Variants in BRINP1 observed in about 807,000 individuals in gnomAD.
BRINP1 encodes the protein BMP/retinoic acid inducible neural specific 1.
A neutral mutation model predicts 72.9 loss-of-function variants in BRINP1; 17 were observed. The ratio of observed to expected loss-of-function variants is 0.23; its 90% CI spans 0.16 to 0.35. BRINP1 has a LOEUF of 0.35. BRINP1 is among the 10% of genes least tolerant of loss of function. The pLI is 1.00. For missense variants in BRINP1, 850 were observed against 1,001.6 expected (o/e 0.85, Z 2.04); for synonymous variants, 418 against 378.5 (o/e 1.10, Z -1.21).
chr9:119,167,506 G>A lies in BRINP1; in HGVS notation c.1864C>T (p.Arg622Trp), dbSNP rs916039027. 11 of 1,614,028 alleles carry A rather than the reference G, an allele frequency of 6.8e-6. No individual in the cohort carries two copies. Among genetic ancestry groups the A allele is most frequent in the African/African-American group, 4.0e-5 (3 of 74,922 alleles). The change falls in exon 8 of 8, where the codon CGG becomes TGG. Residue 622 changes from arginine to tryptophan, a missense_variant. Physicochemically the swap from Arg to Trp is moderately radical, Grantham distance 101. Coordinates refer to ENST00000265922, the MANE Select transcript of BRINP1 (RefSeq NM_014618.3). This position sits in a 1 kb window ranked among gnomAD's most constrained non-coding sequence, Gnocchi z 4.3. Reference protein sequence around the residue: ...FETVHIYLRSRTRLPTLLRNE... With the variant: ...FETVHIYLRSWTRLPTLLRNE... ...CGCAGTAGGGTAGGTAGCCGAGTCCGACTACGTAGGTAGATGTGGACCGTC... is the reference window on the plus strand; with the variant it reads ...CGCAGTAGGGTAGGTAGCCGAGTCCAACTACGTAGGTAGATGTGGACCGTC...
intron 1 of BRINP1, among the ~76,000 whole-genome samples, chr9:119,337,045 C>T (rs937348325): frequency 3.9e-5 from 6 of 152,058 alleles, no homozygotes; most frequent in Non-Finnish European, 8.8e-5. Flanking sequence ...AAGCAGATTT[C>T]GTCCTCTCTC....
At chr9:119,183,814 C>T (rs890991959) in intron 7 of BRINP1, among the ~76,000 whole-genome samples, 5 of 151,934 alleles carry the variant, frequency 3.3e-5, no homozygotes, top group Admixed American at 6.6e-5. Context: ...TTCATTGTAA[C>T]GATATGAAAA....
At chr9:119,335,745 T>C (rs1325462705) in intron 1 of BRINP1, among the ~76,000 whole-genome samples, 1 of 152,244 alleles carries the variant, frequency 6.6e-6, no homozygotes, top group African/African-American at 2.4e-5. Context: ...CCATGCAGTG[T>C]GCTCAGACTT....
Position 119,362,342 on chromosome 9 carries a change from T to C in BRINP1, c.-51+6714A>G, listed in dbSNP as rs150624373. ...AGACAGAAAAAGATACTGCCTGTGA[T>C]CTCTGAGACCTTATAGTTCACTGTC... On this transcript the variant is annotated intron_variant, in intron 1 of 7. Coordinates refer to ENST00000265922, the MANE Select transcript of BRINP1 (RefSeq NM_014618.3). Among the ~76,000 whole-genome samples the C allele has an allele frequency of 4.9e-3, 748 of 152,278 alleles. 5 individuals are homozygous for C. Among genetic ancestry groups the C allele is most frequent in the African/African-American group, 0.017 (705 of 41,556 alleles).
At chr9:119,168,322 G>C in intron 7 of BRINP1, 98 bp from the exon 8 acceptor site, 1 of 978,808 alleles carries the variant, frequency 1.0e-6, no homozygotes, top group Non-Finnish European at 1.4e-6. Context: ...CTGCCAAAAA[G>C]ATGAAAGGAC....
chr9:119,274,086 T>C (rs149038235), intron 2 of BRINP1, among the ~76,000 whole-genome samples: 1 of 152,334 alleles, frequency 6.6e-6, no homozygotes, highest in East Asian at 1.9e-4. Context: ...GGACAGTGAA[T>C]GCAATTGGCA....
At chr9:119,185,729 C>A in intron 7 of BRINP1, among the ~76,000 whole-genome samples, 1 of 152,150 alleles carries the variant, frequency 6.6e-6, no homozygotes, top group East Asian at 1.9e-4. Flanking sequence ...CCAGGTGAGC[C>A]CTCTCCCTGA....
At chr9:119,177,130 C>A (rs1199418607) in intron 7 of BRINP1, among the ~76,000 whole-genome samples, 1 of 152,158 alleles carries the variant, frequency 6.6e-6, no homozygotes, top group Non-Finnish European at 1.5e-5. Context: ...TGAATGAATG[C>A]ATAAAGAATA....
intron 7 of BRINP1, among the ~76,000 whole-genome samples, chr9:119,202,211 A>G (rs1829812225): frequency 1.3e-5 from 2 of 152,164 alleles, no homozygotes; most frequent in Admixed American, 6.5e-5. Context: ...AATTAGCGCT[A>G]CTTCATAGGG....
chr9:119,280,476 C>T (rs1328459348), intron 2 of BRINP1, among the ~76,000 whole-genome samples: 1 of 151,514 alleles, frequency 6.6e-6, no homozygotes, highest in Non-Finnish European at 1.5e-5. Flanking sequence ...CATCTCCTGA[C>T]CTCGTGATCC....
At chr9:119,336,185 G>C (rs1332731269) in intron 1 of BRINP1, among the ~76,000 whole-genome samples, 5 of 152,156 alleles carry the variant, frequency 3.3e-5, no homozygotes, top group African/African-American at 1.2e-4. Context: ...GGTCCTTAAA[G>C]AGAATGAAAT....
At chr9:119,189,308 A>G (rs1829658870) in intron 7 of BRINP1, among the ~76,000 whole-genome samples, 1 of 152,176 alleles carries the variant, frequency 6.6e-6, no homozygotes, top group Non-Finnish European at 1.5e-5. Flanking sequence ...ACCCAATATC[A>G]GTAGTAAATT....
intron 1 of BRINP1, among the ~76,000 whole-genome samples, chr9:119,349,761 C>G (rs1831487577): frequency 6.6e-6 from 1 of 152,132 alleles, no homozygotes; most frequent in Non-Finnish European, 1.5e-5. Flanking sequence ...AAGCCCCCAG[C>G]AGGGGGATCT....
At chr9:119,341,971 T>C (rs1831410859) in intron 1 of BRINP1, among the ~76,000 whole-genome samples, 1 of 152,154 alleles carries the variant, frequency 6.6e-6, no homozygotes, top group Non-Finnish European at 1.5e-5. Context: ...TTTTGCCATG[T>C]TGGCCAGGCT....
intron 1 of BRINP1, among the ~76,000 whole-genome samples, chr9:119,318,946 C>T (rs1003431353): frequency 3.3e-5 from 5 of 151,584 alleles, no homozygotes; most frequent in Admixed American, 6.6e-5. Flanking sequence ...AGATTTAACT[C>T]GTACTTCCCA....
At chr9:119,346,786 TA>T (rs1831457193) in intron 1 of BRINP1, among the ~76,000 whole-genome samples, 1 of 152,212 alleles carries the variant, frequency 6.6e-6, no homozygotes, top group South Asian at 2.1e-4. Flanking sequence ...TCAAGGAACT[TA>T]AAATGCTACC....
At position 119,369,284 on chromosome 9, in the gene BRINP1, T is replaced by G. The variant is rs1285344410; in HGVS notation, c.-279A>C. ...CCCGGCTCCGGAAGGCGGTCACTAC[T>G]CCCTCTGCCTCCCGGCTCTCTCGCT... On this transcript the variant is annotated 5_prime_UTR_variant, in exon 1 of 8. Transcript: ENST00000265922. 2 of 398,726 alleles carry G rather than the reference T, an allele frequency of 5.0e-6. No individual in the cohort carries two copies. Among genetic ancestry groups the G allele is most frequent in the South Asian group, 1.3e-4 (1 of 7,870 alleles). The allele number at this position is 398,726 out of a possible 1,614,324, so 24.7% of individuals were successfully genotyped here. A position where few individuals can be genotyped will look rare whatever the true frequency, so the allele number is the denominator to read the frequency against.
chr9:119,347,265 G>A (rs1010953217), intron 1 of BRINP1, among the ~76,000 whole-genome samples: 5 of 152,048 alleles, frequency 3.3e-5, no homozygotes, highest in Admixed American at 1.3e-4. Flanking sequence ...GCCAATGTGG[G>A]CAATGAGGAG....
chr9:119,231,739 G>T (rs2118898620), intron 5 of BRINP1, among the ~76,000 whole-genome samples: 1 of 152,026 alleles, frequency 6.6e-6, no homozygotes, highest in East Asian at 1.9e-4. Context: ...TAACATCCAA[G>T]ATTCTATACT....
Sources: allele counts gnomAD v4.1 joint callset (sites outside exome capture counted in the v4.1 genomes callset), GRCh38; gene constraint gnomAD v4.1.1; non-coding constraint Gnocchi (gnomAD v3.1); transcripts MANE v1.5; gene names NCBI Gene and HGNC (gene_info 2026-07-23, HGNC 2026-07-21).